The following CTTNBP2 variants were observed in gnomAD, a reference collection of about 807,000 sequenced individuals.
CTTNBP2 encodes cortactin binding protein 2, also known as cortactin-binding protein 2.
A neutral mutation model predicts 156.9 loss-of-function variants in CTTNBP2; 108 were observed. The observed-to-expected ratio is 0.69, with a 90% CI of 0.59 to 0.81. The LOEUF (loss-of-function observed/expected upper bound fraction) is 0.81, where lower values mean the gene tolerates loss of function less well. CTTNBP2 is among the 30% of genes least tolerant of loss of function. CTTNBP2 has a pLI of 0.00. For synonymous variants in CTTNBP2, 767 were observed against 751.8 expected (o/e 1.02, Z -0.33); for missense variants, 1,924 against 2,035.4 (o/e 0.95, Z 1.05).
rs1272584351 is a variant in CTTNBP2 at position 117,757,550 on chromosome 7, A to AT, written c.3268+324_3268+325insA. Among the ~76,000 whole-genome samples the AT allele has an allele frequency of 2.0e-5, 3 of 151,356 alleles. No individual in the cohort carries two copies. In the East Asian group the frequency reaches 5.8e-4, roughly 29 times the overall value. On this transcript the variant is annotated intron_variant, in intron 11 of 22. Coordinates refer to ENST00000160373, the MANE Select transcript of CTTNBP2 (RefSeq NM_033427.3). ...CAGTAAAAAAAAAAAAAAAAAAAAA[A>AT]AGACATTTCTCTTTTAACACAGTCT...
chr7:117,757,267 C>T (rs575974100), intron 11 of CTTNBP2, among the ~76,000 whole-genome samples: 13 of 152,270 alleles, frequency 8.5e-5, no homozygotes, highest in African/African-American at 2.4e-4. Context: ...AGCTGTTTAG[C>T]ATCAAGGGCT....
chr7:117,870,278 C>T (rs571486498), intron 1 of CTTNBP2, among the ~76,000 whole-genome samples: 9 of 152,266 alleles, frequency 5.9e-5, no homozygotes, highest in East Asian at 5.8e-4. Context: ...GTTAAATCTA[C>T]GTTATTTCCT....
At chr7:117,757,231 T>G (rs773123239) in intron 11 of CTTNBP2, among the ~76,000 whole-genome samples, 4 of 152,100 alleles carry the variant, frequency 2.6e-5, no homozygotes, top group Non-Finnish European at 5.9e-5. Context: ...CATTCCCAAG[T>G]ATGGGAAATA....
At chr7:117,847,259 G>A (rs764697575) in intron 2 of CTTNBP2, among the ~76,000 whole-genome samples, 7 of 152,180 alleles carry the variant, frequency 4.6e-5, no homozygotes, top group African/African-American at 7.2e-5. Context: ...AACTAGGCCG[G>A]GTGTGGTAGC....
chr7:117,759,094 A>G lies in CTTNBP2; in HGVS notation c.3173-1124T>C, dbSNP rs113626766. On this transcript the variant is annotated intron_variant, in intron 10 of 22. Transcript: ENST00000160373. ...CTGAATCATTTCTTAATGCAATTTT[A>G]AGTACATTATAACAATTCTATAATT... Among the ~76,000 whole-genome samples the G allele has an allele frequency of 1.7e-3, 256 of 152,288 alleles. 1 individual carries two copies. The highest frequency in any genetic ancestry group is 4.5e-3 in the Admixed American group (69 of 15,300).
At chr7:117,809,528 A>C (rs750686929) in intron 3 of CTTNBP2, among the ~76,000 whole-genome samples, 2 of 152,212 alleles carry the variant, frequency 1.3e-5, no homozygotes, top group African/African-American at 4.8e-5. Context: ...AAACCTCCAC[A>C]TATCTTAGTG....
intron 2 of CTTNBP2, among the ~76,000 whole-genome samples, chr7:117,836,044 A>C (rs1370435264): frequency 1.3e-5 from 2 of 152,184 alleles, no homozygotes; most frequent in Non-Finnish European, 2.9e-5. Flanking sequence ...TGTCACTTTC[A>C]AGAAGAGGGA....
intron 2 of CTTNBP2, among the ~76,000 whole-genome samples, chr7:117,836,161 C>T (rs777037658): frequency 1.1e-4 from 17 of 152,278 alleles, no homozygotes; most frequent in East Asian, 3.9e-4. Context: ...CACCTTCTCA[C>T]GCTACTTCAA....
intron 1 of CTTNBP2, among the ~76,000 whole-genome samples, chr7:117,867,645 T>C (rs1224854688): frequency 2.0e-5 from 3 of 152,190 alleles, no homozygotes; most frequent in Non-Finnish European, 4.4e-5. Flanking sequence ...CTTACTAAGA[T>C]ACAATGTTTC....
chr7:117,840,758 T>C (rs571777235), intron 2 of CTTNBP2, among the ~76,000 whole-genome samples: 1 of 152,194 alleles, frequency 6.6e-6, no homozygotes, highest in East Asian at 1.9e-4. Flanking sequence ...CAGCAGAAAA[T>C]CTGAATGGTG....
intron 16 of CTTNBP2, among the ~76,000 whole-genome samples, chr7:117,734,234 C>A (rs925840794): frequency 6.6e-6 from 1 of 152,216 alleles, no homozygotes; most frequent in African/African-American, 2.4e-5. Flanking sequence ...GCTTAAAATC[C>A]TGCAATAATG....
intron 3 of CTTNBP2, among the ~76,000 whole-genome samples, chr7:117,803,107 C>A (rs1244144829): frequency 6.6e-6 from 1 of 152,134 alleles, no homozygotes; most frequent in Non-Finnish European, 1.5e-5. Context: ...TATTCACAAT[C>A]AGCAAAGACA....
rs1799018261 is a variant in CTTNBP2 at position 117,791,628 on chromosome 7, G to A, written c.1568C>T (p.Pro523Leu). 4 of 1,614,054 alleles carry A rather than the reference G, an allele frequency of 2.5e-6. No individual in the cohort carries two copies. The highest frequency in any genetic ancestry group is 1.1e-5 in the South Asian group (1 of 91,078). The stretch of plus-strand genomic sequence containing the variant: ...AGTCTTTAAACTGGTCCGACCAACT[G>A]GAGGGTGGGTGCCAACATCCCCTGT... ...PPTGDVGTHPPVGRTSLKTHG... is the reference protein window; with the variant it reads ...PPTGDVGTHPLVGRTSLKTHG... The change falls in exon 4 of 23, where the codon CCA becomes CTA. Residue 523 changes from proline to leucine, a missense_variant. Transcript: ENST00000160373.
At chr7:117,735,948 C>A (rs907201322) in intron 14 of CTTNBP2, among the ~76,000 whole-genome samples, 1 of 151,998 alleles carries the variant, frequency 6.6e-6, no homozygotes, top group Non-Finnish European at 1.5e-5. Flanking sequence ...GAAGGGTTTG[C>A]GATAAGGGGG....
At chr7:117,717,366 T>C (rs1371005847) in intron 22 of CTTNBP2, among the ~76,000 whole-genome samples, 1 of 151,742 alleles carries the variant, frequency 6.6e-6, no homozygotes, top group East Asian at 2.0e-4. Context: ...TATCACTCAG[T>C]GCTTTGTTTT....
rs1795199864 is a variant in CTTNBP2 at position 117,728,146 on chromosome 7, C to A, written c.3998G>T (p.Gly1333Val). Residue 1333 changes from glycine to valine, a missense_variant, in exon 17 of 23, where the codon GGA (glycine) becomes GTA (valine). Physicochemically the swap from Gly to Val is moderately radical, Grantham distance 109. Coordinates refer to ENST00000160373, the MANE Select transcript of CTTNBP2 (RefSeq NM_033427.3). ...ARLGTPEALL[G>V]PKYFLSCPVV... The stretch of plus-strand genomic sequence containing the variant: ...AGGACAAGACAGGAAATATTTTGGT[C>A]CAAGAAGTGCTTCAGGTGTGCCCAA... 5 of 1,614,156 alleles carry A rather than the reference C, an allele frequency of 3.1e-6. No homozygotes were observed. The highest frequency in any genetic ancestry group is 4.2e-6 in the Non-Finnish European group (5 of 1,180,008).
chr7:117,723,321 A>T (rs934564741), intron 19 of CTTNBP2, among the ~76,000 whole-genome samples: 2 of 147,436 alleles, frequency 1.4e-5, no homozygotes, highest in African/African-American at 5.4e-5. Context: ...TTTTATTAAA[A>T]TTAACAAAAT....
At chr7:117,794,912 G>C (rs1187556698) in intron 3 of CTTNBP2, among the ~76,000 whole-genome samples, 1 of 125,672 alleles carries the variant, frequency 8.0e-6, no homozygotes, top group African/African-American at 3.4e-5. Context: ...TTTTGAGACG[G>C]AGTCTCGCTC....
At chr7:117,832,737 C>CCT (rs1801689642) in intron 2 of CTTNBP2, among the ~76,000 whole-genome samples, 1 of 112,996 alleles carries the variant, frequency 8.8e-6, no homozygotes, top group African/African-American at 4.0e-5. Flanking sequence ...ATTCATCAAC[C>CCT]TTTTTTTTTT....
Sources: allele counts gnomAD v4.1 joint callset (sites outside exome capture counted in the v4.1 genomes callset), GRCh38; gene constraint gnomAD v4.1.1; transcripts MANE v1.5; gene names NCBI Gene and HGNC (gene_info 2026-07-23, HGNC 2026-07-21).